SEPTIN9: variants seen among roughly 807,000 people sequenced by gnomAD.
SEPTIN9 encodes septin 9.
In SEPTIN9, 13 loss-of-function variants were observed where a neutral mutation model predicts 56.6. The observed-to-expected ratio is 0.23, with a 90% confidence interval of 0.15 to 0.37. The LOEUF (loss-of-function observed/expected upper bound fraction) is 0.37, where lower values mean the gene tolerates loss of function less well. SEPTIN9 is among the 10% of genes least tolerant of loss of function. The pLI is 1.00. For synonymous variants in SEPTIN9, 332 were observed against 334.1 expected (o/e 0.99, Z 0.07); for missense variants, 650 against 823.1 (o/e 0.79, Z 2.57).
In SEPTIN9 at chr17:77,453,182, G is replaced by A. The variant is rs924409861; in HGVS notation, c.722-28962G>A. Among the ~76,000 whole-genome samples, 2 of 152,156 alleles carry A rather than the reference G, an allele frequency of 1.3e-5. No homozygotes were observed. Among genetic ancestry groups the A allele is most frequent in the Admixed American group, 1.3e-4 (2 of 15,268 alleles). ...AGGACCCACTGTGTGCGCCTGGGGG[G>A]TGGCGTGGGGCACTCTGGGATGAGA... On this transcript the variant is annotated intron_variant, in intron 3 of 11. Transcript: ENST00000427177. This position sits in a 1 kb window ranked among gnomAD's most constrained non-coding sequence, Gnocchi z 4.4.
chr17:77,459,021 G>T (rs1405793134), intron 3 of SEPTIN9, among the ~76,000 whole-genome samples: 2 of 152,196 alleles, frequency 1.3e-5, no homozygotes, highest in Non-Finnish European at 2.9e-5. Context: ...GGGGCCATGG[G>T]CCCATGCGTC....
chr17:77,464,372 C>T (rs2038614133), intron 3 of SEPTIN9, among the ~76,000 whole-genome samples: 1 of 152,202 alleles, frequency 6.6e-6, no homozygotes, highest in Non-Finnish European at 1.5e-5. Flanking sequence ...GCCACCACGC[C>T]TGGCCAGTTT....
At chr17:77,290,643 G>A (rs995735432) in intron 1 of SEPTIN9, among the ~76,000 whole-genome samples, 23 of 151,096 alleles carry the variant, frequency 1.5e-4, no homozygotes, top group Admixed American at 1.3e-3. Context: ...GTGAAACCCC[G>A]TCTCTACTAA....
intron 3 of SEPTIN9, among the ~76,000 whole-genome samples, chr17:77,477,564 C>CAGAGGGG (rs1175488057): frequency 6.6e-6 from 1 of 152,122 alleles, no homozygotes; most frequent in Non-Finnish European, 1.5e-5. Context: ...ATTTCTGGAG[C>CAGAGGGG]CGGGTGTGTT....
intron 2 of SEPTIN9, among the ~76,000 whole-genome samples, chr17:77,381,018 G>T (rs1019376471): frequency 4.6e-5 from 7 of 152,168 alleles, no homozygotes; most frequent in Admixed American, 4.6e-4. Context: ...GCCTGGTTTC[G>T]CAGCCTCCAA....
chr17:77,422,339 C>T (rs1329447588), intron 3 of SEPTIN9, among the ~76,000 whole-genome samples: 1 of 152,208 alleles, frequency 6.6e-6, no homozygotes, highest in African/African-American at 2.4e-5. Flanking sequence ...GCTCACCCAG[C>T]CTCGGGGCCA....
At chr17:77,386,370 C>T (rs1381831258) in intron 2 of SEPTIN9, among the ~76,000 whole-genome samples, 6 of 152,104 alleles carry the variant, frequency 3.9e-5, no homozygotes, top group East Asian at 1.9e-4. Flanking sequence ...CCGGGAAGGG[C>T]GGGGAAGCAC....
intron 3 of SEPTIN9, among the ~76,000 whole-genome samples, chr17:77,420,380 G>A (rs913898006): frequency 6.6e-6 from 1 of 152,176 alleles, no homozygotes; most frequent in African/African-American, 2.4e-5. Context: ...GTTCTGCGAG[G>A]CCCCTACTGG....
At chr17:77,321,867 T>C (rs1365123047) in intron 2 of SEPTIN9, among the ~76,000 whole-genome samples, 1 of 152,206 alleles carries the variant, frequency 6.6e-6, no homozygotes, top group African/African-American at 2.4e-5. Context: ...TCAGGCCCGC[T>C]GGGACGGGTG....
intron 3 of SEPTIN9, among the ~76,000 whole-genome samples, chr17:77,424,183 C>A (rs985244617): frequency 7.1e-6 from 1 of 141,372 alleles, no homozygotes; most frequent in Non-Finnish European, 1.5e-5. Context: ...GCACTATCGC[C>A]GTAGAAAACG....
rs41282085 is a variant in SEPTIN9, at chr17:77,475,207, G to T, written c.722-6937G>T. On this transcript the variant is annotated intron_variant, in intron 3 of 11. Coordinates refer to ENST00000427177, the MANE Select transcript of SEPTIN9 (RefSeq NM_001113491.2). This position sits in a 1 kb window ranked among gnomAD's most constrained non-coding sequence, Gnocchi z 4.6. ...TGGCTTCACAAACCCTGTGTGGGGG[G>T]GTTGTGGTGAGAGGAAACCGCACAC... The T allele has an allele frequency of 0.036, 44,142 of 1,237,544 alleles. 905 individuals carry two copies. The highest frequency in any genetic ancestry group is 0.042 in the Non-Finnish European group (41,029 of 984,982). The allele number at this position is 1,237,544 out of a possible 1,614,324, so 76.7% of individuals were successfully genotyped here. A position where few individuals can be genotyped will look rare whatever the true frequency, so the allele number is the denominator to read the frequency against.
chr17:77,414,965 C>T (rs1053287678), intron 3 of SEPTIN9, among the ~76,000 whole-genome samples: 2 of 152,208 alleles, frequency 1.3e-5, no homozygotes, highest in African/African-American at 4.8e-5. Context: ...AAGGTCCATC[C>T]ACATTGTGGC....
chr17:77,299,147 C>T (rs954806277), intron 1 of SEPTIN9, among the ~76,000 whole-genome samples: 1 of 152,232 alleles, frequency 6.6e-6, no homozygotes, highest in African/African-American at 2.4e-5. Context: ...CCACACGGCT[C>T]AGTGCTAACA....
At chr17:77,345,577 GGCAGGA>G (rs2033865452) in intron 2 of SEPTIN9, among the ~76,000 whole-genome samples, 1 of 152,214 alleles carries the variant, frequency 6.6e-6, no homozygotes. Flanking sequence ...GGTATGGGTG[GGCAGGA>G]GCTGGGTGTC....
chr17:77,281,682 A>C (rs2031030631), intron 1 of SEPTIN9, 128 bp downstream of exon 1: 1 of 901,474 alleles, frequency 1.1e-6, no homozygotes, highest in East Asian at 3.1e-5. Context: ...GGCACACTGC[A>C]GGTCGAGTTC....
chr17:77,477,599 A>T (rs892763550), intron 3 of SEPTIN9, among the ~76,000 whole-genome samples: 1 of 152,070 alleles, frequency 6.6e-6, no homozygotes, highest in African/African-American at 2.4e-5. Flanking sequence ...CTGCACTAGG[A>T]GCTGGGGATA....
intron 1 of SEPTIN9, chr17:77,281,789 TG>T: frequency 2.0e-6 from 1 of 500,482 alleles, no homozygotes; most frequent in Non-Finnish European, 3.5e-6. Flanking sequence ...GGGGCTGCCC[TG>T]GGGGACGCTC....
intron 3 of SEPTIN9, among the ~76,000 whole-genome samples, chr17:77,414,572 CTT>C (rs559525322): frequency 1.6e-5 from 2 of 123,834 alleles, no homozygotes. Flanking sequence ...TGTGTGGATT[CTT>C]TTTTTTTTTT....
chr17:77,414,739 G>A (rs1011207840), intron 3 of SEPTIN9, among the ~76,000 whole-genome samples: 31 of 151,920 alleles, frequency 2.0e-4, no homozygotes, highest in African/African-American at 7.2e-4. Context: ...CACCATGCCC[G>A]GCTAATTTTT....
Sources: gnomAD v4.1 joint callset for allele counts (sites outside exome capture counted in the v4.1 genomes callset) on GRCh38, gnomAD v4.1.1 for gene constraint, Gnocchi (gnomAD v3.1) non-coding constraint, MANE v1.5 for transcripts, NCBI Gene and HGNC (gene_info 2026-07-23, HGNC 2026-07-21) for gene names.